CMSS1: variants seen among roughly 807,000 people sequenced by gnomAD.
CMSS1 encodes protein CMSS1.
CMSS1 carries 33 observed loss-of-function variants against 43.5 expected under a neutral mutation model. The observed-to-expected ratio is 0.76, with a 90% CI of 0.57 to 1.01. CMSS1 has a LOEUF of 1.01. Ranked by LOEUF, CMSS1 falls within the 50% of genes least tolerant of loss-of-function variation. CMSS1 has a pLI of 0.00. For synonymous variants in CMSS1, 115 were observed against 117.2 expected (o/e 0.98, Z 0.12); for missense variants, 313 against 326.4 (o/e 0.96, Z 0.32).
intron 1 of CMSS1, among the ~76,000 whole-genome samples, chr3:99,857,705 CA>C (rs1162448294): frequency 6.6e-6 from 1 of 152,120 alleles, no homozygotes; most frequent in Non-Finnish European, 1.5e-5. Flanking sequence ...ACGAATTCCA[CA>C]AGCCATTAAT....
At chr3:99,924,144 T>C in intron 1 of CMSS1, 1 of 1,097,848 alleles carries the variant, frequency 9.1e-7, no homozygotes, top group Non-Finnish European at 1.3e-6. Context: ...GACTGTGTCA[T>C]ATTTATCTTT....
intron 1 of CMSS1, among the ~76,000 whole-genome samples, chr3:99,859,200 C>T (rs2107549503): frequency 6.6e-6 from 1 of 152,356 alleles, no homozygotes; most frequent in South Asian, 2.1e-4. Flanking sequence ...ACATTTAATT[C>T]ATTTCAGACC....
intron 1 of CMSS1, among the ~76,000 whole-genome samples, chr3:99,865,897 G>T (rs1372711219): frequency 6.6e-6 from 1 of 151,906 alleles, no homozygotes; most frequent in Non-Finnish European, 1.5e-5. Flanking sequence ...TCCAGGAATG[G>T]TTCTTTAGAA....
chr3:99,879,520 C>G (rs1559673523), intron 1 of CMSS1, among the ~76,000 whole-genome samples: 1 of 152,188 alleles, frequency 6.6e-6, no homozygotes, highest in Non-Finnish European at 1.5e-5. Context: ...TCTTTCATGT[C>G]TTCTCTCCCT....
In CMSS1 at chr3:99,980,390, A is replaced by G. The variant is rs78641679; in HGVS notation, c.64+162347A>G. Among the ~76,000 whole-genome samples the G allele has an allele frequency of 7.0e-3, 1,070 of 152,276 alleles. 15 individuals carry two copies. Among genetic ancestry groups the G allele is most frequent in the African/African-American group, 0.024 (989 of 41,558 alleles). On this transcript the variant is annotated intron_variant, in intron 1 of 9. Coordinates refer to ENST00000421999, the MANE Select transcript of CMSS1 (RefSeq NM_032359.4). ...AATTTTTCAGTTTGGGGAAAGGAATATGGTATAGTACATCAGATATGTTAG... is the reference window on the plus strand; with the variant it reads ...AATTTTTCAGTTTGGGGAAAGGAATGTGGTATAGTACATCAGATATGTTAG...
intron 1 of CMSS1, among the ~76,000 whole-genome samples, chr3:99,900,519 A>G (rs947641932): frequency 6.6e-6 from 1 of 152,194 alleles, no homozygotes; most frequent in Non-Finnish European, 1.5e-5. Flanking sequence ...CATAGACAAG[A>G]TTTCAAACCA....
chr3:99,891,928 CTAGAA>C (rs1409593613), intron 1 of CMSS1, among the ~76,000 whole-genome samples: 1 of 152,144 alleles, frequency 6.6e-6, no homozygotes, highest in Non-Finnish European at 1.5e-5. Context: ...AGTCGGCTAT[CTAGAA>C]TAGCTATGAT....
At chr3:100,045,313 C>A (rs2065262065) in intron 1 of CMSS1, among the ~76,000 whole-genome samples, 1 of 152,098 alleles carries the variant, frequency 6.6e-6, no homozygotes, top group South Asian at 2.1e-4. Flanking sequence ...TGGTAATTGC[C>A]ATTATTACTA....
intron 1 of CMSS1, chr3:99,833,281 A>G (rs1942759625): frequency 4.4e-6 from 7 of 1,601,516 alleles, no homozygotes; most frequent in Non-Finnish European, 6.0e-6. Flanking sequence ...AGTAGAAAGA[A>G]GAGGAGTAAA....
chr3:99,950,999 C>G (rs565698610), intron 1 of CMSS1, among the ~76,000 whole-genome samples: 3 of 152,214 alleles, frequency 2.0e-5, no homozygotes, highest in African/African-American at 4.8e-5. Context: ...GATCCAAGCC[C>G]TGCTTGGTTT....
chr3:99,985,424 T>A (rs1709309462), intron 1 of CMSS1, among the ~76,000 whole-genome samples: 1 of 151,644 alleles, frequency 6.6e-6, no homozygotes, highest in Admixed American at 6.6e-5. Context: ...ACTGGGGAGG[T>A]TGAGGTGGGA....
chr3:99,948,925 C>T (rs1184126485), intron 1 of CMSS1, among the ~76,000 whole-genome samples: 1 of 152,120 alleles, frequency 6.6e-6, no homozygotes, highest in Non-Finnish European at 1.5e-5. Context: ...ACACTGTAAC[C>T]AGCACACATC....
In CMSS1 at chr3:99,996,820, A is replaced by G. The variant is rs557764366; in HGVS notation, c.65-150153A>G. Among the ~76,000 whole-genome samples the G allele has an allele frequency of 8.3e-4, 127 of 152,208 alleles. 1 individual carries two copies. Among genetic ancestry groups the G allele is most frequent in the East Asian group, 2.3e-3 (12 of 5,180 alleles). On this transcript the variant is annotated intron_variant, in intron 1 of 9. Transcript: ENST00000421999. The stretch of plus-strand genomic sequence containing the variant: ...CCATGATTCAAATTATCTCCCACCG[A>G]GTCCCTCCCACAACACATGGGAATT...
At chr3:99,925,476 A>G (rs894880994) in intron 1 of CMSS1, among the ~76,000 whole-genome samples, 1 of 152,228 alleles carries the variant, frequency 6.6e-6, no homozygotes, top group Non-Finnish European at 1.5e-5. Flanking sequence ...GACTGGAAAC[A>G]AAACAAGCAA....
chr3:99,855,537 A>G (rs773373733), intron 1 of CMSS1, among the ~76,000 whole-genome samples: 29 of 152,326 alleles, frequency 1.9e-4, no homozygotes, highest in Non-Finnish European at 4.0e-4. Context: ...GAGGCTCACA[A>G]AGGTCAAGAA....
At chr3:100,132,793 T>C (rs949312591) in intron 1 of CMSS1, among the ~76,000 whole-genome samples, 3 of 121,764 alleles carry the variant, frequency 2.5e-5, no homozygotes, top group Non-Finnish European at 4.7e-5. Context: ...CACTCCAGCC[T>C]GGGCGACAGA....
At chr3:99,885,348 C>A (rs1377883646) in intron 1 of CMSS1, among the ~76,000 whole-genome samples, 1 of 152,218 alleles carries the variant, frequency 6.6e-6, no homozygotes, top group Admixed American at 6.5e-5. Flanking sequence ...TCTTCAAATG[C>A]TGATGCATTC....
At chr3:100,144,778 C>A (rs1295992275) in intron 1 of CMSS1, among the ~76,000 whole-genome samples, 4 of 152,168 alleles carry the variant, frequency 2.6e-5, no homozygotes, top group Non-Finnish European at 5.9e-5. Context: ...TGGTTGGCTT[C>A]CATTGGCATT....
chr3:99,945,917 T>G (rs907348903), intron 1 of CMSS1, among the ~76,000 whole-genome samples: 6 of 152,252 alleles, frequency 3.9e-5, no homozygotes, highest in African/African-American at 7.2e-5. Flanking sequence ...GTGCCACACA[T>G]GCTTTTGTGT....
Sources: gnomAD v4.1 joint callset for allele counts (sites outside exome capture counted in the v4.1 genomes callset) on GRCh38, gnomAD v4.1.1 for gene constraint, MANE v1.5 for transcripts, NCBI Gene and HGNC (gene_info 2026-07-23, HGNC 2026-07-21) for gene names.